SMS: variants seen among roughly 807,000 people sequenced by gnomAD.
SMS encodes the protein spermidine aminopropyltransferase.
Under a neutral mutation model 33.0 loss-of-function variants are expected in SMS, and 3 were observed. The observed-to-expected ratio is 0.09, with a 90% CI of 0.04 to 0.23. The LOEUF (loss-of-function observed/expected upper bound fraction) is 0.23. Among genes scored for constraint, SMS ranks in the 10% least tolerant of loss-of-function variants. SMS has a pLI of 1.00. For synonymous variants in SMS, 103 were observed against 112.2 expected, an observed-to-expected ratio of 0.92 and a Z score of 0.52; for missense variants, 117 against 288.6, an observed-to-expected ratio of 0.41 and a Z score of 4.31.
intron 1 of SMS, among the ~76,000 whole-genome samples, chrX:21,944,801 A>T (rs1486848197): frequency 9.0e-6 from 1 of 110,629 alleles, no homozygotes; most frequent in East Asian, 2.8e-4. Flanking sequence ...AACATGATGA[A>T]ACCCTATCTC....
chrX:21,953,358 A>C (rs2030551233), intron 1 of SMS, among the ~76,000 whole-genome samples: 1 of 111,179 alleles, frequency 9.0e-6, no homozygotes, highest in Admixed American at 9.6e-5. Context: ...ACAGTTATTC[A>C]GTTAATTGAG....
intron 1 of SMS, among the ~76,000 whole-genome samples, chrX:21,953,018 C>T (rs1922724496): frequency 9.2e-6 from 1 of 109,283 alleles, no homozygotes; most frequent in African/African-American, 3.3e-5. Flanking sequence ...GCACCTTGGC[C>T]TCCCAAAGTA....
Position 21,985,151 on chromosome X carries a change from A to G in SMS, c.873A>G (p.Thr291=), listed in dbSNP as rs767179182. The part of the protein sequence containing the change: ...PISTSPEEDS[T]WEFLRLILDL... ...GTTCTTTTAAACATTCAGATTCCAC[A>G]TGGGAGTTTCTCAGACTGATTCTTG... Residue 291 remains threonine, a synonymous_variant, in exon 9 of 11, where the codon ACA becomes ACG. Transcript: ENST00000404933. The G allele has an allele frequency of 4.3e-6, 5 of 1,170,521 alleles. No homozygotes were observed. Among genetic ancestry groups the G allele is most frequent in the Admixed American group, 4.4e-5 (2 of 45,661 alleles).
chrX:21,990,406 G>A (rs992615326), intron 9 of SMS, among the ~76,000 whole-genome samples: 4 of 112,840 alleles, frequency 3.5e-5, no homozygotes, highest in Non-Finnish European at 7.5e-5. Flanking sequence ...AGTGCCAGGT[G>A]TGACCCCACC....
At chrX:21,955,838 G>A (rs1428828721) in intron 1 of SMS, among the ~76,000 whole-genome samples, 3 of 111,991 alleles carry the variant, frequency 2.7e-5, no homozygotes, top group Non-Finnish European at 5.6e-5. Context: ...ACAAACTAAT[G>A]GATAATATTC....
intron 1 of SMS, among the ~76,000 whole-genome samples, chrX:21,945,151 G>A (rs1343874652): frequency 8.9e-6 from 1 of 111,839 alleles, no homozygotes; most frequent in Admixed American, 9.5e-5. Flanking sequence ...ACCTCCACCA[G>A]GGTCTGTATC....
At chrX:21,943,740 T>G (rs1921991627) in intron 1 of SMS, among the ~76,000 whole-genome samples, 1 of 111,157 alleles carries the variant, frequency 9.0e-6, no homozygotes, top group Non-Finnish European at 1.9e-5. Flanking sequence ...TTCCATCACT[T>G]TATTTGGGGT....
chrX:21,970,946 C>G (rs933579465), intron 2 of SMS, among the ~76,000 whole-genome samples: 1 of 109,494 alleles, frequency 9.1e-6, no homozygotes, highest in Non-Finnish European at 1.9e-5. Context: ...CCTGTAGTCT[C>G]AACACTTTGG....
chrX:21,940,952 G>A, intron 1 of SMS, 79 bp downstream of exon 1: 1 of 546,350 alleles, frequency 1.8e-6, no homozygotes, highest in Non-Finnish European at 2.3e-6. Context: ...GGTCGGGCGT[G>A]GCGTGCGCCG....
chrX:21,942,030 GGTGGGAGTC>G (rs2147481551), intron 1 of SMS, among the ~76,000 whole-genome samples: 1 of 108,404 alleles, frequency 9.2e-6, no homozygotes, highest in South Asian at 4.3e-4. Context: ...TGTCGTGGGG[GGTGGGAGTC>G]GCGGGAAGGA....
At chrX:21,967,374 CAG>C in intron 2 of SMS, 58 bp downstream of exon 2, 2 of 1,164,604 alleles carry the variant, frequency 1.7e-6, no homozygotes, top group Middle Eastern at 4.8e-4. Flanking sequence ...GAGAGGGTGA[CAG>C]AGTGGAGGAT....
chrX:21,952,421 G>GTTTTTTTTTTTT, intron 1 of SMS, among the ~76,000 whole-genome samples: 1 of 33,479 alleles, frequency 3.0e-5, no homozygotes, highest in Non-Finnish European at 4.9e-5. Flanking sequence ...TTGTTTGTTT[G>GTTTTTTTTTTTT]TTTTTTTTTT....
chrX:21,981,915 C>T (rs1444890408), intron 7 of SMS, among the ~76,000 whole-genome samples: 1 of 111,537 alleles, frequency 9.0e-6, no homozygotes, highest in African/African-American at 3.3e-5. Flanking sequence ...ACAAGCATGA[C>T]AGGGAATTGA....
At chrX:21,949,803 T>A (rs981118117) in intron 1 of SMS, among the ~76,000 whole-genome samples, 51 of 111,381 alleles carry the variant, frequency 4.6e-4, no homozygotes, top group Admixed American at 2.8e-3. Flanking sequence ...TCAATCCTTT[T>A]TCTTAGAGTA....
intron 4 of SMS, among the ~76,000 whole-genome samples, chrX:21,974,045 C>G (rs1200074772): frequency 8.9e-6 from 1 of 112,673 alleles, no homozygotes; most frequent in Non-Finnish European, 1.9e-5. Flanking sequence ...CTGTCCCTTG[C>G]TCATAAAATT....
chrX:21,991,033 A>G (rs1233465435), intron 9 of SMS, among the ~76,000 whole-genome samples: 1 of 112,493 alleles, frequency 8.9e-6, no homozygotes, highest in Non-Finnish European at 1.9e-5. Context: ...GCCAGCTCTC[A>G]GAATAGTTCT....
chrX:21,977,819 C>A, intron 5 of SMS, 141 bp from the exon 6 acceptor site: 1 of 610,718 alleles, frequency 1.6e-6, no homozygotes, highest in Non-Finnish European at 2.8e-6. Context: ...GGAAAAAAAG[C>A]TTGCAAATTG....
rs755205354 is a variant in SMS at position 21,960,036 on chromosome X, C to CGTGT, written c.50-7149_50-7146dup. 3 of 202,393 alleles carry CGTGT rather than the reference C, an allele frequency of 1.5e-5. No homozygotes were observed. In the East Asian group the frequency reaches 1.1e-3, roughly 73 times the overall value. 16.7% of individuals were successfully genotyped at this position (202,393 alleles called of 1,213,427 possible). A position where few individuals can be genotyped will look rare whatever the true frequency, so the allele number is the denominator to read the frequency against. On this transcript the variant is annotated intron_variant, in intron 1 of 10. Transcript: ENST00000404933. ...GTGAGTGACTGTCTGTGTGTACATC[C>CGTGT]GTGTGTGTGTGTGTAGGGGCACTGA... is the stretch of plus-strand genomic sequence containing the variant.
At chrX:21,969,929 T>G (rs749184895) in intron 2 of SMS, among the ~76,000 whole-genome samples, 211 of 112,528 alleles carry the variant, frequency 1.9e-3, no homozygotes, top group Non-Finnish European at 2.9e-3. Context: ...GTTCTCCACC[T>G]CAGCCTTCCA....
Sources: allele counts gnomAD v4.1 joint callset (sites outside exome capture counted in the v4.1 genomes callset), GRCh38; gene constraint gnomAD v4.1.1; transcripts MANE v1.5; gene names NCBI Gene and HGNC (gene_info 2026-07-23, HGNC 2026-07-21).